Variants in F3 observed in about 807,000 individuals in gnomAD.
The protein encoded by F3 is tissue factor.
A neutral mutation model predicts 33.5 loss-of-function variants in F3; 18 were observed. The observed-to-expected ratio is 0.54, with a 90% CI of 0.37 to 0.80. The LOEUF (loss-of-function observed/expected upper bound fraction) is 0.80, where lower values mean the gene tolerates loss of function less well. F3 is among the 30% of genes least tolerant of loss of function. The pLI is 0.00. For missense variants in F3, 353 were observed against 362.1 expected, an observed-to-expected ratio of 0.97 and a Z score of 0.20; for synonymous variants, 147 against 140.7, an observed-to-expected ratio of 1.05 and a Z score of -0.32.
At chr1:94,540,166 A>C in intron 2 of F3, 91 bp downstream of exon 2, 1 of 842,452 alleles carries the variant, frequency 1.2e-6, no homozygotes, top group Middle Eastern at 2.2e-4. Context: ...AAATAATTTC[A>C]TCCAGTAATC....
chr1:94,532,442 A>G lies in F3; in HGVS notation c.630T>C (p.Asp210=). Reference sequence around the variant, plus strand: ...AACAGTAGTTTTCTCCTTTATCCACATCAATCAAAAACTCATTAGTGTTTG... The same window carrying G: ...AACAGTAGTTTTCTCCTTTATCCACGTCAATCAAAAACTCATTAGTGTTTG... ...AKTNTNEFLI[D]VDKGENYCFS... The change falls in exon 5 of 6, where the codon GAT becomes GAC. Residue 210 remains aspartate, a synonymous_variant. Transcript: ENST00000334047. 1 of 1,614,120 alleles carries G rather than the reference A, an allele frequency of 6.2e-7. No homozygotes were observed. The highest frequency in any genetic ancestry group is 2.2e-5 in the East Asian group (1 of 44,878).
intron 1 of F3, 121 bp downstream of exon 1, chr1:94,541,416 G>C (rs771920573): frequency 1.6e-4 from 119 of 761,108 alleles, no homozygotes; most frequent in Non-Finnish European, 2.0e-4. Context: ...GCCGAGTCCC[G>C]TAGGCGCGGG....
At position 94,530,270 on chromosome 1, in the gene F3, T is replaced by G. The variant is rs983269063; in HGVS notation, c.*190A>C. 1 of 625,968 alleles carries G rather than the reference T, an allele frequency of 1.6e-6. No individual in the cohort carries two copies. Among genetic ancestry groups the G allele is most frequent in the Non-Finnish European group, 2.7e-6 (1 of 375,116 alleles). 38.8% of individuals were successfully genotyped at this position (625,968 alleles called of 1,614,324 possible). The stretch of plus-strand genomic sequence containing the variant: ...ATTGGTTGTAGTACCATTCGTTACA[T>G]TTCAAAGTGACTAATGCTGATGTCA... On this transcript the variant is annotated 3_prime_UTR_variant, in exon 6 of 6. Transcript: ENST00000334047.
Position 94,533,151 on chromosome 1 carries a change from T to A in F3, c.530A>T (p.Asp177Val), listed in dbSNP as rs768956868. 1.2e-6 allele frequency: 2 copies of A among 1,613,898 alleles called. No individual in the cohort carries two copies. Among genetic ancestry groups the A allele is most frequent in the Non-Finnish European group, 1.7e-6 (2 of 1,179,966 alleles). The change falls in exon 4 of 6, where the codon GAT (aspartate) becomes GTT (valine). Residue 177 changes from aspartate (D) to valine (V), a missense_variant. Asp to Val is a radical substitution (Grantham distance 152). Transcript: ENST00000334047. ...ATAAATTAAGTCCTTGCCAAAAACATCCCGGAGGCTTAGGAAAGTGTTGTT... is the reference window on the plus strand; with the variant it reads ...ATAAATTAAGTCCTTGCCAAAAACAACCCGGAGGCTTAGGAAAGTGTTGTT... ...RRNNTFLSLR[D>V]VFGKDLIYTL...
chr1:94,535,976 G>A lies in F3; in HGVS notation c.401C>T (p.Pro134Leu), dbSNP rs763005081. The A allele has an allele frequency of 6.2e-7, 1 of 1,614,118 alleles. No homozygotes were observed. The highest frequency in any genetic ancestry group is 1.7e-5 in the Admixed American group (1 of 60,026). Residue 134 changes from proline (P) to leucine (L), a missense_variant, in exon 3 of 6, where the codon CCT becomes CTT. Transcript: ENST00000334047. ...CCCAAGCCACTTACTCTCCAGGTAA[G>A]GTGTGAACTCTGGGGAGTTCTCATA... ...PLYENSPEFT[P>L]YLETNLGQPT...
chr1:94,541,496 G>C (rs1187924831), intron 1 of F3, 41 bp downstream of exon 1: 1 of 1,400,228 alleles, frequency 7.1e-7, no homozygotes, highest in East Asian at 3.0e-5. Context: ...TCCCTCCTGC[G>C]TGTGGCGCGC....
chr1:94,531,664 G>A (rs1651430252), intron 5 of F3, among the ~76,000 whole-genome samples: 1 of 152,176 alleles, frequency 6.6e-6, no homozygotes, highest in Admixed American at 6.5e-5. Context: ...TACTTTCCCT[G>A]TAAGGCATGG....
At chr1:94,532,060 A>G (rs1438918082) in intron 5 of F3, among the ~76,000 whole-genome samples, 1 of 152,252 alleles carries the variant, frequency 6.6e-6, no homozygotes, top group Non-Finnish European at 1.5e-5. Flanking sequence ...AGGGCTTAGC[A>G]CATGACAGGT....
intron 5 of F3, among the ~76,000 whole-genome samples, chr1:94,530,958 G>T (rs1271273065): frequency 3.3e-5 from 5 of 152,210 alleles, no homozygotes; most frequent in Non-Finnish European, 7.3e-5. Flanking sequence ...GAGATCCAAA[G>T]TGCTACCAGG....
At chr1:94,541,487 C>T in intron 1 of F3, 50 bp downstream of exon 1, 1 of 1,361,950 alleles carries the variant, frequency 7.3e-7, no homozygotes, top group Non-Finnish European at 9.6e-7. Flanking sequence ...ACTGTCGCCT[C>T]CCTCCTGCGT....
chr1:94,540,423 T>C, intron 1 of F3, 55 bp from the exon 2 acceptor site: 1 of 1,189,206 alleles, frequency 8.4e-7, no homozygotes. Context: ...CACTCGAATG[T>C]ATTGATGTAT....
chr1:94,539,438 C>A (rs1170125079), intron 2 of F3, among the ~76,000 whole-genome samples: 1 of 152,158 alleles, frequency 6.6e-6, no homozygotes, highest in Non-Finnish European at 1.5e-5. Context: ...CAGCAAAATA[C>A]CTTTTGTTTT....
intron 3 of F3, among the ~76,000 whole-genome samples, 185 bp from the exon 4 acceptor site, chr1:94,533,453 G>T (rs1057300040): frequency 1.3e-5 from 2 of 152,188 alleles, no homozygotes; most frequent in Admixed American, 1.3e-4. Context: ...GGTAGTGCTG[G>T]CCCAAGGGGA....
At chr1:94,531,782 A>C (rs181080512) in intron 5 of F3, among the ~76,000 whole-genome samples, 1 of 152,262 alleles carries the variant, frequency 6.6e-6, no homozygotes, top group East Asian at 1.9e-4. Flanking sequence ...ACATATGCAC[A>C]TGCATGTACA....
chr1:94,535,941 G>A lies in F3; in HGVS notation c.412+24C>T, dbSNP rs547507745. 5.0e-6 allele frequency: 8 copies of A among 1,602,246 alleles called. No homozygotes were observed. The African/African-American group carries it at 9.4e-5, about 19-fold the overall frequency. On this transcript the variant is annotated intron_variant, in intron 3 of 5. Coordinates refer to ENST00000334047, the MANE Select transcript of F3 (RefSeq NM_001993.5). ...TCAGACGTTTCTAACAAGAATGAAC[G>A]GTATTACAGCCCAAGCCACTTACTC...
Position 94,530,371 on chromosome 1 carries a change from C to T in F3, c.*89G>A. ...TCCAGGGTCTTCATGCTCCGAAATA[C>T]TCATTTGCGTTTCCATGTATTCTAT... is the stretch of plus-strand genomic sequence containing the variant. On this transcript the variant is annotated 3_prime_UTR_variant, in exon 6 of 6. Transcript: ENST00000334047. The T allele has an allele frequency of 6.5e-7, 1 of 1,537,022 alleles. No homozygotes were observed. The highest frequency in any genetic ancestry group is 1.2e-5 in the South Asian group (1 of 83,896).
In F3 at chr1:94,530,235, A is replaced by G. The variant is rs1651379398; in HGVS notation, c.*225T>C. ...AAAAGGTGCCATGGTGTTAAAAATTAAAACTTGGAATTGGTTGTAGTACCA... is the reference window on the plus strand; with the variant it reads ...AAAAGGTGCCATGGTGTTAAAAATTGAAACTTGGAATTGGTTGTAGTACCA... On this transcript the variant is annotated 3_prime_UTR_variant, in exon 6 of 6. Transcript: ENST00000334047. 1 of 466,782 alleles carries G rather than the reference A, an allele frequency of 2.1e-6. No individual in the cohort carries two copies. Among genetic ancestry groups the G allele is most frequent in the South Asian group, 4.7e-5 (1 of 21,372 alleles). 28.9% of individuals were successfully genotyped at this position (466,782 alleles called of 1,614,324 possible). A position where few individuals can be genotyped will look rare whatever the true frequency, so the allele number is the denominator to read the frequency against.
Position 94,541,631 on chromosome 1 carries a change from C to A in F3, c.6G>T (p.Glu2Asp), listed in dbSNP as rs1369053287. 1.4e-6 allele frequency: 2 copies of A among 1,418,332 alleles called. No homozygotes were observed. Among genetic ancestry groups the A allele is most frequent in the Non-Finnish European group, 1.8e-6 (2 of 1,081,308 alleles). 87.9% of individuals were successfully genotyped at this position (1,418,332 alleles called of 1,614,324 possible). A position where few individuals can be genotyped will look rare whatever the true frequency, so the allele number is the denominator to read the frequency against. The change falls in exon 1 of 6, where the codon GAG becomes GAT. Residue 2 changes from glutamate (E) to aspartate (D), a missense_variant. By Grantham distance (45) the Glu-to-Asp change is conservative. Coordinates refer to ENST00000334047, the MANE Select transcript of F3 (RefSeq NM_001993.5). ...GCGGGACCCGGGGCCAGGCAGGGGTCTCCATGTCTACCAGTTGGCGGCGAG... is the reference window on the plus strand; with the variant it reads ...GCGGGACCCGGGGCCAGGCAGGGGTATCCATGTCTACCAGTTGGCGGCGAG... M[E>D]TPAWPRVPRP... is the part of the protein sequence containing the mutation.
chr1:94,535,935 A>T, intron 3 of F3, 30 bp downstream of exon 3: 4 of 1,594,874 alleles, frequency 2.5e-6, no homozygotes, highest in Non-Finnish European at 3.4e-6. Context: ...TCTAACAAGA[A>T]TGAACGGTAT....
Sources: gnomAD v4.1 joint callset for allele counts (sites outside exome capture counted in the v4.1 genomes callset) on GRCh38, gnomAD v4.1.1 for gene constraint, MANE v1.5 for transcripts, NCBI Gene and HGNC (gene_info 2026-07-23, HGNC 2026-07-21) for gene names.